CHIC1: variants seen among roughly 807,000 people sequenced by gnomAD.
CHIC1 encodes the protein cysteine-rich hydrophobic domain-containing protein 1.
A neutral mutation model predicts 18.5 loss-of-function variants in CHIC1; 7 were observed. The observed-to-expected ratio is 0.38, with a 90% confidence interval of 0.22 to 0.71. The LOEUF (loss-of-function observed/expected upper bound fraction) is 0.71, where lower values mean the gene tolerates loss of function less well. Among genes scored for constraint, CHIC1 ranks in the 30% least tolerant of loss-of-function variants. CHIC1 has a pLI of 0.49. For synonymous variants in CHIC1, 77 were observed against 73.5 expected, an observed-to-expected ratio of 1.05 and a Z score of -0.25; for missense variants, 159 against 176.9, an observed-to-expected ratio of 0.90 and a Z score of 0.57.
At chrX:73,580,728 A>T (rs188907834) in intron 2 of CHIC1, among the ~76,000 whole-genome samples, 126 of 111,091 alleles carry the variant, frequency 1.1e-3, no homozygotes, top group Non-Finnish European at 2.0e-3. Context: ...AATAACTGTG[A>T]TAGCTAAAGT....
intron 3 of CHIC1, among the ~76,000 whole-genome samples, chrX:73,655,492 G>GTA (rs1389678747): frequency 8.3e-5 from 5 of 60,441 alleles, no homozygotes; most frequent in African/African-American, 1.9e-4. Flanking sequence ...ACACAATATT[G>GTA]TGTATATATA....
chrX:73,641,850 A>T (rs1200910425), intron 3 of CHIC1, among the ~76,000 whole-genome samples: 29 of 111,522 alleles, frequency 2.6e-4, no homozygotes, highest in African/African-American at 9.5e-4. Flanking sequence ...ACATGAACTC[A>T]TCATTTTTTA....
chrX:73,635,993 G>A (rs746476319), intron 3 of CHIC1, among the ~76,000 whole-genome samples: 2 of 110,986 alleles, frequency 1.8e-5, no homozygotes, highest in Non-Finnish European at 3.8e-5. Context: ...AGCTATTATC[G>A]CTTCAATTTT....
intron 3 of CHIC1, among the ~76,000 whole-genome samples, chrX:73,625,663 A>G (rs1414088702): frequency 2.7e-5 from 3 of 111,445 alleles, no homozygotes; most frequent in Admixed American, 9.5e-5. Flanking sequence ...AGAGAGTAAC[A>G]GTTAACATCC....
At chrX:73,594,088 GT>G (rs758301292) in intron 3 of CHIC1, among the ~76,000 whole-genome samples, 3 of 109,402 alleles carry the variant, frequency 2.7e-5, no homozygotes, top group East Asian at 2.9e-4. Flanking sequence ...TTTTATAGGG[GT>G]TTTTTTTCCC....
intron 3 of CHIC1, among the ~76,000 whole-genome samples, chrX:73,628,315 A>T (rs1175418155): frequency 9.0e-6 from 1 of 111,518 alleles, no homozygotes; most frequent in African/African-American, 3.3e-5. Context: ...ATGTTGTGTG[A>T]CTCACAGTCC....
At chrX:73,587,198 G>T (rs988593659) in intron 3 of CHIC1, among the ~76,000 whole-genome samples, 3 of 111,847 alleles carry the variant, frequency 2.7e-5, no homozygotes, top group Non-Finnish European at 3.8e-5. Flanking sequence ...TCCAGCAAAA[G>T]AATTTTTATG....
chrX:73,680,792 G>A (rs2147635075), intron 5 of CHIC1, among the ~76,000 whole-genome samples, 163 bp from the exon 6 acceptor site: 1 of 109,786 alleles, frequency 9.1e-6, no homozygotes, highest in Non-Finnish European at 1.9e-5. Flanking sequence ...AACAACTTGT[G>A]GTTTAAGTTC....
At chrX:73,680,265 A>T (rs994009324) in intron 5 of CHIC1, among the ~76,000 whole-genome samples, 1 of 110,791 alleles carries the variant, frequency 9.0e-6, no homozygotes, top group Non-Finnish European at 1.9e-5. Flanking sequence ...CATTTATCCA[A>T]ACTTCCAATA....
chrX:73,670,946 A>G (rs1425085334), intron 3 of CHIC1, among the ~76,000 whole-genome samples: 1 of 112,018 alleles, frequency 8.9e-6, no homozygotes, highest in Non-Finnish European at 1.9e-5. Context: ...GTCATGGAAA[A>G]TGTTCCATGT....
chrX:73,585,910 T>C (rs1209005999), intron 3 of CHIC1, among the ~76,000 whole-genome samples: 1 of 110,954 alleles, frequency 9.0e-6, no homozygotes, highest in East Asian at 2.8e-4. Context: ...ATCTCTCCTA[T>C]CCTCCATTAC....
chrX:73,656,952 T>C (rs955861582), intron 3 of CHIC1, among the ~76,000 whole-genome samples: 2 of 111,892 alleles, frequency 1.8e-5, no homozygotes, highest in Non-Finnish European at 1.9e-5. Context: ...TTTTTCCACT[T>C]GTTTGTGTCA....
chrX:73,677,169 C>T (rs2058069642), intron 3 of CHIC1, among the ~76,000 whole-genome samples: 3 of 112,096 alleles, frequency 2.7e-5, no homozygotes, highest in Non-Finnish European at 5.6e-5. Flanking sequence ...AGTTAGGCTA[C>T]TCGGGGGTCA....
At chrX:73,599,703 G>A (rs1457597176) in intron 3 of CHIC1, among the ~76,000 whole-genome samples, 1 of 104,826 alleles carries the variant, frequency 9.5e-6, no homozygotes, top group Non-Finnish European at 1.9e-5. Flanking sequence ...TCTCTGTTTT[G>A]GTACCAGTAC....
At chrX:73,615,066 G>A (rs770955475) in intron 3 of CHIC1, among the ~76,000 whole-genome samples, 1 of 111,209 alleles carries the variant, frequency 9.0e-6, no homozygotes, top group Admixed American at 9.6e-5. Context: ...TTATGGTGTT[G>A]GTTGGGTAGA....
At chrX:73,584,866 A>T (rs2057545519) in intron 3 of CHIC1, among the ~76,000 whole-genome samples, 1 of 111,301 alleles carries the variant, frequency 9.0e-6, no homozygotes, top group African/African-American at 3.3e-5. Context: ...AAAATACCTG[A>T]TGCTGTGCCT....
rs750628277 is a variant in CHIC1, at chrX:73,610,522, G to C, written c.507+25950G>C. 2.1e-4 allele frequency among the ~76,000 whole-genome samples: 23 copies of C among 107,534 alleles called. No individual in the cohort carries two copies. The South Asian group carries it at 9.1e-3, about 42-fold the overall frequency. The allele number at this position is 107,534 out of a possible 115,157, so 93.4% of individuals were successfully genotyped here. On this transcript the variant is annotated intron_variant, in intron 3 of 5. Coordinates refer to ENST00000373502, the MANE Select transcript of CHIC1 (RefSeq NM_001039840.4). ...GCAGCTGTTCCCGTTTGGCCATCTT[G>C]GCCCCTTCCCAATTTGTTTTTATGT...
intron 3 of CHIC1, among the ~76,000 whole-genome samples, chrX:73,606,343 ATCT>A (rs1221087294): frequency 9.5e-6 from 1 of 105,498 alleles, no homozygotes; most frequent in African/African-American, 3.7e-5. Context: ...CAGCCCATTC[ATCT>A]TCTTCTCTAA....
intron 3 of CHIC1, among the ~76,000 whole-genome samples, chrX:73,638,700 C>T (rs1432879919): frequency 9.0e-6 from 1 of 110,874 alleles, no homozygotes; most frequent in Non-Finnish European, 1.9e-5. Context: ...CTCAAGTAGG[C>T]CTCTGTGTCT....
Sources: gnomAD v4.1 joint callset for allele counts (sites outside exome capture counted in the v4.1 genomes callset) on GRCh38, gnomAD v4.1.1 for gene constraint, MANE v1.5 for transcripts, NCBI Gene and HGNC (gene_info 2026-07-23, HGNC 2026-07-21) for gene names.